SIRT2: variants seen among roughly 807,000 people sequenced by gnomAD.
The protein encoded by SIRT2 is NAD-dependent protein deacetylase sirtuin-2.
A neutral mutation model predicts 57.4 loss-of-function variants in SIRT2; 40 were observed. That is an observed-to-expected ratio of 0.70 (90% confidence interval 0.54 to 0.91). The LOEUF (loss-of-function observed/expected upper bound fraction) is 0.91. Among genes scored for constraint, SIRT2 ranks in the 40% least tolerant of loss-of-function variants. The pLI, the probability that SIRT2 is intolerant of heterozygous loss-of-function variation, is 0.00. For missense variants in SIRT2, 439 were observed against 510.4 expected (o/e 0.86, Z 1.35); for synonymous variants, 161 against 195.7 (o/e 0.82, Z 1.48).
intron 8 of SIRT2, among the ~76,000 whole-genome samples, chr19:38,884,382 G>A (rs1346018518): frequency 6.6e-6 from 1 of 152,216 alleles, no homozygotes; most frequent in Admixed American, 6.5e-5. Context: ...AGCTGCATGT[G>A]GCAGCTCTAG....
chr19:38,899,436 G>A, intron 1 of SIRT2, 70 bp downstream of exon 1: 1 of 1,583,978 alleles, frequency 6.3e-7, no homozygotes, highest in South Asian at 1.1e-5. Context: ...CCACCCTTGG[G>A]CCCCGGGGCC....
rs368133198 is a variant in SIRT2, at chr19:38,885,293, G to A, written c.502-1537C>T. On this transcript the variant is annotated intron_variant, in intron 8 of 15. Coordinates refer to ENST00000249396, the MANE Select transcript of SIRT2 (RefSeq NM_012237.4). Reference sequence around the variant, plus strand: ...ATTATTTTTGTAGAGATGGGGGGTGGGGTGGTCTCCCTATTTGCCCGGGCT... The same window carrying A: ...ATTATTTTTGTAGAGATGGGGGGTGAGGTGGTCTCCCTATTTGCCCGGGCT... 4.9e-4 allele frequency among the ~76,000 whole-genome samples: 75 copies of A among 151,726 alleles called. 1 individual carries two copies. Among genetic ancestry groups the A allele is most frequent in the African/African-American group, 1.8e-3 (74 of 41,366 alleles).
intron 9 of SIRT2, among the ~76,000 whole-genome samples, chr19:38,882,550 T>C (rs1214954813): frequency 6.6e-6 from 1 of 151,486 alleles, no homozygotes; most frequent in Admixed American, 6.6e-5. Flanking sequence ...CAGGGAGAAT[T>C]GCTTGAACCC....
chr19:38,881,085 T>TG lies in SIRT2; in HGVS notation c.747+14dup. 2 of 1,612,150 alleles carry TG rather than the reference T, an allele frequency of 1.2e-6. No individual in the cohort carries two copies. The highest frequency in any genetic ancestry group is 1.7e-6 in the Non-Finnish European group (2 of 1,179,294). ...GCGGCGGTTGGGGATGCGGGGAGGC[T>TG]GGGGGGCCACTTACTGACTGCATAC... On this transcript the variant is annotated intron_variant, in intron 11 of 15. Coordinates refer to ENST00000249396, the MANE Select transcript of SIRT2 (RefSeq NM_012237.4).
Position 38,880,840 on chromosome 19 carries a change from A to G in SIRT2, c.805T>C (p.Phe269Leu). Residue 269 changes from phenylalanine (F) to leucine (L), a missense_variant, in exon 12 of 16, where the codon TTT (phenylalanine) becomes CTT (leucine). Transcript: ENST00000249396. The surrounding 1 kb of genome is among the most constrained non-coding windows in gnomAD (Gnocchi z 4.1). ...ACCTACTTGCTGATGAGGGAGGCAA[A>G]GGGCTGCACCTGCAAGGAGGTACCC... ...VMGTSLQVQPFASLISKAPLS... is the reference protein window; with the variant it reads ...VMGTSLQVQPLASLISKAPLS... The G allele has an allele frequency of 6.2e-7, 1 of 1,613,852 alleles. No homozygotes were observed. Among genetic ancestry groups the G allele is most frequent in the Non-Finnish European group, 8.5e-7 (1 of 1,179,922 alleles).
intron 8 of SIRT2, among the ~76,000 whole-genome samples, chr19:38,888,034 G>A (rs1333737370): frequency 1.3e-5 from 2 of 152,180 alleles, no homozygotes; most frequent in African/African-American, 4.8e-5. Context: ...GATTACAGGC[G>A]TGAGCCACCG....
chr19:38,879,100 G>A lies in SIRT2; in HGVS notation c.*55C>T. ...GCTGGTTAAGAGGGGGCCAGGCCCG[G>A]TTGGGGCTCAGCTGTCCCTGAGGAG... On this transcript the variant is annotated 3_prime_UTR_variant, in exon 16 of 16. Transcript: ENST00000249396. The A allele has an allele frequency of 1.3e-6, 2 of 1,507,760 alleles. No homozygotes were observed. The highest frequency in any genetic ancestry group is 2.8e-5 in the South Asian group (2 of 72,552). 93.4% of individuals were successfully genotyped at this position (1,507,760 alleles called of 1,614,324 possible).
At position 38,879,512 on chromosome 19, in the gene SIRT2, CAGG is replaced by C. The variant is rs757871689; in HGVS notation, c.948-15_948-13del. The C allele has an allele frequency of 1.5e-4, 233 of 1,600,680 alleles. 2 individuals are homozygous for C. The highest frequency in any genetic ancestry group is 9.0e-5 in the East Asian group (4 of 44,252). On this transcript the variant is annotated splice_polypyrimidine_tract_variant and intron_variant, in intron 14 of 15. Coordinates refer to ENST00000249396, the MANE Select transcript of SIRT2 (RefSeq NM_012237.4). ...GCCAGGCCACGTCCCTGCGGTGCAG[CAGG>C]AGATCAGAGTTCCCAGGCGGGCTCG... is the stretch of plus-strand genomic sequence containing the variant.
At chr19:38,885,363 C>T (rs1311156628) in intron 8 of SIRT2, among the ~76,000 whole-genome samples, 1 of 152,080 alleles carries the variant, frequency 6.6e-6, no homozygotes, top group Admixed American at 6.6e-5. Context: ...CTTCAGCCTC[C>T]CAAAGCGTTG....
intron 8 of SIRT2, among the ~76,000 whole-genome samples, chr19:38,888,830 A>T (rs1973424407): frequency 6.6e-6 from 1 of 152,200 alleles, no homozygotes; most frequent in South Asian, 2.1e-4. Context: ...GGTCACTGCC[A>T]CCGCACTGCA....
chr19:38,892,685 C>T (rs542505771), intron 4 of SIRT2, among the ~76,000 whole-genome samples: 4 of 152,180 alleles, frequency 2.6e-5, no homozygotes, highest in African/African-American at 4.8e-5. Context: ...ACAATCCTCC[C>T]TTCTCAGCCT....
intron 8 of SIRT2, among the ~76,000 whole-genome samples, chr19:38,885,659 T>C (rs1292537206): frequency 3.3e-5 from 5 of 151,216 alleles, no homozygotes; most frequent in Admixed American, 3.3e-4. Flanking sequence ...GGCGCAATCT[T>C]GGCTCACTGC....
At chr19:38,887,816 G>A (rs546763045) in intron 8 of SIRT2, among the ~76,000 whole-genome samples, 1 of 152,250 alleles carries the variant, frequency 6.6e-6, no homozygotes, top group African/African-American at 2.4e-5. Context: ...CTGGAGTGCA[G>A]TGGCACAATC....
chr19:38,889,040 C>T, intron 8 of SIRT2, 47 bp downstream of exon 8: 1 of 1,567,286 alleles, frequency 6.4e-7, no homozygotes, highest in Non-Finnish European at 8.7e-7. Flanking sequence ...GACACCATGC[C>T]CGTTCCACCC....
rs1973146681 is a variant in SIRT2, at chr19:38,881,311, G to A, written c.691+121C>T. The A allele has an allele frequency of 7.7e-6, 9 of 1,166,910 alleles. No homozygotes were observed. The East Asian group carries it at 2.2e-4, about 29-fold the overall frequency. 72.3% of individuals were successfully genotyped at this position (1,166,910 alleles called of 1,614,324 possible). ...CCATTCTCCCCAGGATGGATCTGGG[G>A]CACTGTTCAGAGAGACAGAGGTGGC... is the stretch of plus-strand genomic sequence containing the variant. On this transcript the variant is annotated intron_variant, in intron 10 of 15. Transcript: ENST00000249396.
chr19:38,894,021 G>T (rs1192301720), intron 2 of SIRT2, 154 bp from the exon 3 acceptor site: 2 of 1,460,422 alleles, frequency 1.4e-6, no homozygotes, highest in South Asian at 2.8e-5. Flanking sequence ...TAGCTCCAGG[G>T]CTCTGGGACA....
intron 4 of SIRT2, among the ~76,000 whole-genome samples, chr19:38,892,763 CG>C (rs557806367): frequency 4.1e-5 from 6 of 146,744 alleles, no homozygotes; most frequent in South Asian, 2.1e-4. Context: ...GTAGAGATGG[CG>C]GGGGGGTCTC....
At position 38,878,837 on chromosome 19, in the gene SIRT2, G is replaced by C. The variant is rs1973021718; in HGVS notation, c.*318C>G. 3.6e-6 allele frequency: 1 copy of C among 279,456 alleles called. No homozygotes were observed. 17.3% of individuals were successfully genotyped at this position (279,456 alleles called of 1,614,324 possible). A position where few individuals can be genotyped will look rare whatever the true frequency, so the allele number is the denominator to read the frequency against. On this transcript the variant is annotated 3_prime_UTR_variant, in exon 16 of 16. Coordinates refer to ENST00000249396, the MANE Select transcript of SIRT2 (RefSeq NM_012237.4). ...GGGCCCGAAGCTCCCTGTCCTGGAA[G>C]AGTTAAAAGTTCTGGGGTAGCCCTG...
intron 10 of SIRT2, 137 bp downstream of exon 10, chr19:38,881,295 C>A: frequency 8.7e-7 from 1 of 1,154,918 alleles, no homozygotes; most frequent in East Asian, 2.5e-5. Context: ...CCCATTCTCC[C>A]CAGGATGGAT....
Sources: gnomAD v4.1 joint callset for allele counts (sites outside exome capture counted in the v4.1 genomes callset) on GRCh38, gnomAD v4.1.1 for gene constraint, Gnocchi (gnomAD v3.1) non-coding constraint, MANE v1.5 for transcripts, NCBI Gene and HGNC (gene_info 2026-07-23, HGNC 2026-07-21) for gene names.